Variants in TRMT9B observed in about 807,000 individuals in gnomAD.
The protein encoded by TRMT9B is probable tRNA methyltransferase 9B.
A neutral mutation model predicts 11.5 loss-of-function variants in TRMT9B; 16 were observed. The ratio of observed to expected loss-of-function variants is 1.39; its 90% CI spans 0.94 to 2.11. The LOEUF is 2.11. Among genes scored for constraint, TRMT9B ranks in the 30% most tolerant of loss-of-function variants. The pLI, the probability that TRMT9B is intolerant of heterozygous loss-of-function variation, is 0.00. For missense variants in TRMT9B, 941 were observed against 553.8 expected, an observed-to-expected ratio of 1.70 and a Z score of -7.02; for synonymous variants, 274 against 192.4, an observed-to-expected ratio of 1.42 and a Z score of -3.51.
chr8:12,983,189 T>C (rs1805699770), intron 1 of TRMT9B, among the ~76,000 whole-genome samples: 1 of 152,188 alleles, frequency 6.6e-6, no homozygotes, highest in Non-Finnish European at 1.5e-5. Context: ...GATGACATTG[T>C]CAACACTGCA....
rs879207158 is a variant in TRMT9B at position 13,028,575 on chromosome 8, T to TTTTCTTTTCC, written c.*6534_*6535insCTTTTCCTTT. The TTTTCTTTTCC allele has an allele frequency of 2.5e-5, 2 of 79,848 alleles. No individual in the cohort carries two copies. Among genetic ancestry groups the TTTTCTTTTCC allele is most frequent in the African/African-American group, 6.6e-5 (1 of 15,116 alleles). The allele number at this position is 79,848 out of a possible 1,614,324, so 4.9% of individuals were successfully genotyped here. A position where few individuals can be genotyped will look rare whatever the true frequency, so the allele number is the denominator to read the frequency against. ...ATAAGCACTTTTCTCTTTTCTTTTCTTTTTTTTTTTTTTTTTTTGAGACAG... is the reference window on the plus strand; with the variant it reads ...ATAAGCACTTTTCTCTTTTCTTTTCTTTTCTTTTCCTTTTTTTTTTTTTTTTTTGAGACAG... On this transcript the variant is annotated 3_prime_UTR_variant, in exon 5 of 5. Transcript: ENST00000524591.
chr8:12,968,832 G>A (rs554311142), intron 1 of TRMT9B, among the ~76,000 whole-genome samples: 1 of 152,162 alleles, frequency 6.6e-6, no homozygotes, highest in Non-Finnish European at 1.5e-5. Flanking sequence ...ACACAGGCCT[G>A]GCCTGACTCA....
Position 13,009,768 on chromosome 8 carries a change from T to C in TRMT9B, c.155-2916T>C, listed in dbSNP as rs112412035. Among the ~76,000 whole-genome samples the C allele has an allele frequency of 4.5e-3, 692 of 152,332 alleles. 10 individuals carry two copies. The highest frequency in any genetic ancestry group is 0.015 in the African/African-American group (632 of 41,564). On this transcript the variant is annotated intron_variant, in intron 3 of 4. Coordinates refer to ENST00000524591, the MANE Select transcript of TRMT9B (RefSeq NM_020844.3). ...ACCCAGTATTAAAACCTGCCTAGCA[T>C]TCTATGCTAATAGTGCCATATTAAC... is the stretch of plus-strand genomic sequence containing the variant.
intron 4 of TRMT9B, among the ~76,000 whole-genome samples, chr8:13,018,205 C>T (rs571244176): frequency 1.3e-5 from 2 of 150,892 alleles, no homozygotes; most frequent in African/African-American, 4.9e-5. Flanking sequence ...AGTTCGATAC[C>T]AGCCTGGGCA....
In TRMT9B at chr8:13,028,710, G is replaced by A. The variant is rs1815018665; in HGVS notation, c.*6666G>A. 6.5e-6 allele frequency: 1 copy of A among 153,088 alleles called. No individual in the cohort carries two copies. Among genetic ancestry groups the A allele is most frequent in the Non-Finnish European group, 1.5e-5 (1 of 67,930 alleles). The allele number at this position is 153,088 out of a possible 1,614,324, so 9.5% of individuals were successfully genotyped here. A position where few individuals can be genotyped will look rare whatever the true frequency, so the allele number is the denominator to read the frequency against. Reference sequence around the variant, plus strand: ...CGTGCCTCAGCCTCCTGAATAGCTGGGATTACAGGAACATGCCACCACTCC... The same window carrying A: ...CGTGCCTCAGCCTCCTGAATAGCTGAGATTACAGGAACATGCCACCACTCC... On this transcript the variant is annotated 3_prime_UTR_variant, in exon 5 of 5. Transcript: ENST00000524591.
intron 4 of TRMT9B, among the ~76,000 whole-genome samples, chr8:13,017,626 T>TG (rs1408961332): frequency 1.3e-5 from 2 of 149,616 alleles, no homozygotes; most frequent in Non-Finnish European, 3.0e-5. Flanking sequence ...TTTTTTTTTT[T>TG]TTTTTGAGAC....
rs375295510 is a variant in TRMT9B at position 13,021,378 on chromosome 8, C to T, written c.699C>T (p.Gly233=). Residue 233 remains glycine, a synonymous_variant, in exon 5 of 5, where the codon GGC becomes GGT. Coordinates refer to ENST00000524591, the MANE Select transcript of TRMT9B (RefSeq NM_020844.3). ...RTCFANISKE[G]EEEYGFYSTL... ...GTTTTGCAAATATTTCTAAGGAAGG[C>T]GAGGAAGAATATGGATTTTACAGCA... 57 of 1,614,004 alleles carry T rather than the reference C, an allele frequency of 3.5e-5. No individual in the cohort carries two copies. The highest frequency in any genetic ancestry group is 1.1e-4 in the East Asian group (5 of 44,886).
intron 1 of TRMT9B, among the ~76,000 whole-genome samples, chr8:12,954,528 G>A (rs546973419): frequency 6.6e-6 from 1 of 152,320 alleles, no homozygotes; most frequent in South Asian, 2.1e-4. Flanking sequence ...TTGCGATTAA[G>A]CCCCTGGTAT....
rs2128905433 is a variant in TRMT9B, at chr8:13,024,685, C to G, written c.*2641C>G. On this transcript the variant is annotated 3_prime_UTR_variant, in exon 5 of 5. Transcript: ENST00000524591. ...ACACACCACTTTGTATGAAAGGGTT[C>G]TCTAGAACGGTTCTTTGGAGAGAAA... 6.0e-6 allele frequency: 1 copy of G among 167,140 alleles called. No homozygotes were observed. Among genetic ancestry groups the G allele is most frequent in the East Asian group, 1.9e-4 (1 of 5,186 alleles). 10.4% of individuals were successfully genotyped at this position (167,140 alleles called of 1,614,324 possible). A position where few individuals can be genotyped will look rare whatever the true frequency, so the allele number is the denominator to read the frequency against.
At position 12,994,643 on chromosome 8, in the gene TRMT9B, C is replaced by G. The variant is rs1024158296; in HGVS notation, c.-2+3612C>G. Among the ~76,000 whole-genome samples the G allele has an allele frequency of 1.5e-4, 23 of 152,294 alleles. 1 individual carries two copies. Among genetic ancestry groups the G allele is most frequent in the Admixed American group, 1.3e-3 (20 of 15,302 alleles). ...CCTTTGGGGAACCCTTGAATTGATT[C>G]TTCTTGCAAGTGCAATTTAAACGAC... On this transcript the variant is annotated intron_variant, in intron 2 of 4. Coordinates refer to ENST00000524591, the MANE Select transcript of TRMT9B (RefSeq NM_020844.3).
intron 1 of TRMT9B, among the ~76,000 whole-genome samples, chr8:12,962,601 G>A (rs2946494): frequency 0.3 from 45,503 of 151,742 alleles, 7,392 homozygotes; most frequent in East Asian, 0.65. Flanking sequence ...AGCGATCCTC[G>A]TACCTCAGCC....
intron 1 of TRMT9B, among the ~76,000 whole-genome samples, chr8:12,955,864 C>T (rs989377144): frequency 2.0e-5 from 3 of 152,098 alleles, no homozygotes; most frequent in Admixed American, 2.0e-4. Flanking sequence ...TTGATGGGCC[C>T]CCAGGGTTGC....
chr8:12,959,208 C>T (rs1801716224), intron 1 of TRMT9B, among the ~76,000 whole-genome samples: 1 of 152,096 alleles, frequency 6.6e-6, no homozygotes, highest in Non-Finnish European at 1.5e-5. Context: ...GCATCCCTAA[C>T]CTGAAAATCC....
intron 1 of TRMT9B, among the ~76,000 whole-genome samples, chr8:12,972,514 A>G (rs901962524): frequency 1.3e-5 from 2 of 152,098 alleles, no homozygotes; most frequent in Admixed American, 1.3e-4. Context: ...TTGCTGGCCA[A>G]CTCTGGCAGG....
intron 1 of TRMT9B, among the ~76,000 whole-genome samples, chr8:12,959,516 C>CTTTTTTT (rs61536433): frequency 0.025 from 1,862 of 74,866 alleles, 226 homozygotes; most frequent in African/African-American, 0.042. Context: ...TTTTTCCTTC[C>CTTTTTTT]TTTTTTTTTT....
At chr8:13,015,815 G>T (rs540872841) in intron 4 of TRMT9B, among the ~76,000 whole-genome samples, 4 of 152,088 alleles carry the variant, frequency 2.6e-5, no homozygotes, top group African/African-American at 9.7e-5. Flanking sequence ...CTTGCCCTCA[G>T]AGAAAATGGA....
chr8:12,959,444 C>G (rs1423873876), intron 1 of TRMT9B, among the ~76,000 whole-genome samples: 2 of 151,186 alleles, frequency 1.3e-5, no homozygotes, highest in Non-Finnish European at 2.9e-5. Context: ...TATGCCACAA[C>G]TGGAAACACT....
At chr8:12,967,981 C>T (rs999372164) in intron 1 of TRMT9B, among the ~76,000 whole-genome samples, 3 of 152,284 alleles carry the variant, frequency 2.0e-5, no homozygotes, top group South Asian at 2.1e-4. Flanking sequence ...CTGCAACCTC[C>T]GCCTACTGGG....
intron 1 of TRMT9B, among the ~76,000 whole-genome samples, chr8:12,984,913 C>T (rs942637126): frequency 1.3e-5 from 2 of 149,876 alleles, no homozygotes; most frequent in Admixed American, 1.3e-4. Flanking sequence ...CTCTCTTTTC[C>T]GAATTTTTGC....
Sources: gnomAD v4.1 joint callset for allele counts (sites outside exome capture counted in the v4.1 genomes callset) on GRCh38, gnomAD v4.1.1 for gene constraint, MANE v1.5 for transcripts, NCBI Gene and HGNC (gene_info 2026-07-23, HGNC 2026-07-21) for gene names.